ANKS1B: variants seen among roughly 807,000 people sequenced by gnomAD.
ANKS1B encodes ankyrin repeat and sterile alpha motif domain containing 1B, also known as ankyrin repeat and sterile alpha motif domain-containing protein 1B.
Under a neutral mutation model 148.3 loss-of-function variants are expected in ANKS1B, and 36 were observed. The ratio of observed to expected loss-of-function variants is 0.24; its 90% CI spans 0.19 to 0.32. ANKS1B has a LOEUF of 0.32. Ranked by LOEUF, ANKS1B falls within the 10% of genes least tolerant of loss-of-function variation. ANKS1B has a pLI of 1.00. For missense variants in ANKS1B, 1,157 were observed against 1,542.6 expected (o/e 0.75, Z 4.19); for synonymous variants, 542 against 560.8 (o/e 0.97, Z 0.47).
At chr12:99,123,658 T>C (rs573103870) in intron 15 of ANKS1B, among the ~76,000 whole-genome samples, 2 of 152,104 alleles carry the variant, frequency 1.3e-5, no homozygotes, top group East Asian at 1.9e-4. Flanking sequence ...AAATCACTGG[T>C]ATAAGTGCAA....
intron 17 of ANKS1B, among the ~76,000 whole-genome samples, chr12:98,980,286 C>T (rs1017832714): frequency 3.9e-5 from 6 of 152,278 alleles, no homozygotes; most frequent in East Asian, 1.9e-4. Flanking sequence ...CTGCAAGCTC[C>T]GCCTCCCAGG....
At chr12:99,749,177 G>A (rs1443713290) in intron 8 of ANKS1B, among the ~76,000 whole-genome samples, 1 of 152,014 alleles carries the variant, frequency 6.6e-6, no homozygotes, top group African/African-American at 2.4e-5. Flanking sequence ...GCTTTGACCT[G>A]GATACATAAT....
intron 17 of ANKS1B, among the ~76,000 whole-genome samples, chr12:98,889,912 C>A (rs548466628): frequency 6.6e-6 from 1 of 151,862 alleles, no homozygotes. Flanking sequence ...AAAAGAGGAA[C>A]GAGTTTCTGG....
At chr12:99,856,104 A>G (rs1442995027) in intron 1 of ANKS1B, among the ~76,000 whole-genome samples, 3 of 152,240 alleles carry the variant, frequency 2.0e-5, no homozygotes, top group African/African-American at 4.8e-5. Context: ...AAAATAAAAA[A>G]TACAAAAGAT....
intron 1 of ANKS1B, among the ~76,000 whole-genome samples, chr12:99,929,245 A>G (rs944305524): frequency 3.9e-5 from 6 of 152,184 alleles, no homozygotes; most frequent in Non-Finnish European, 5.9e-5. Context: ...CAGTTAAGAG[A>G]ATGACAGAGG....
intron 1 of ANKS1B, among the ~76,000 whole-genome samples, chr12:99,886,932 T>C (rs1357123597): frequency 1.3e-5 from 2 of 152,226 alleles, no homozygotes; most frequent in Non-Finnish European, 2.9e-5. Context: ...TTATGCATAA[T>C]GGTAAAAATT....
intron 12 of ANKS1B, among the ~76,000 whole-genome samples, chr12:99,369,849 C>CAGACAGAT (rs1555405093): frequency 6.9e-6 from 1 of 145,520 alleles, no homozygotes; most frequent in Non-Finnish European, 1.5e-5. Context: ...CAGACAGAGA[C>CAGACAGAT]AGATAGATAG....
intron 17 of ANKS1B, among the ~76,000 whole-genome samples, chr12:98,860,978 A>G (rs2099596447): frequency 6.6e-6 from 1 of 152,170 alleles, no homozygotes; most frequent in Admixed American, 6.5e-5. Flanking sequence ...TGTTTTTGAG[A>G]GGTGAGGGGA....
At chr12:98,981,690 G>A (rs1004931788) in intron 17 of ANKS1B, among the ~76,000 whole-genome samples, 8 of 152,168 alleles carry the variant, frequency 5.3e-5, no homozygotes, top group Non-Finnish European at 1.0e-4. Context: ...TCCATTAACA[G>A]CCCAAAGCCT....
chr12:99,454,073 G>A (rs1595083340), intron 10 of ANKS1B, among the ~76,000 whole-genome samples: 1 of 152,222 alleles, frequency 6.6e-6, no homozygotes, highest in African/African-American at 2.4e-5. Flanking sequence ...AAGCATGAAC[G>A]AGCATTATGC....
chr12:98,791,959 T>C (rs79335587), intron 22 of ANKS1B, among the ~76,000 whole-genome samples: 6,192 of 152,290 alleles, frequency 0.041, 191 homozygotes, highest in East Asian at 0.13. Context: ...TTCCAACCCA[T>C]TCCCTCTATT....
At chr12:99,175,150 C>A (rs1249986906) in intron 14 of ANKS1B, among the ~76,000 whole-genome samples, 1 of 152,138 alleles carries the variant, frequency 6.6e-6, no homozygotes, top group Non-Finnish European at 1.5e-5. Context: ...GACAAAATTT[C>A]CAACATGTTG....
At chr12:99,356,337 T>C (rs1396685971) in intron 12 of ANKS1B, among the ~76,000 whole-genome samples, 1 of 152,150 alleles carries the variant, frequency 6.6e-6, no homozygotes, top group Admixed American at 6.6e-5. Flanking sequence ...AAACTGTTTA[T>C]AGGCATGTGT....
chr12:99,111,245 T>C (rs922017533), intron 15 of ANKS1B, among the ~76,000 whole-genome samples: 2 of 152,218 alleles, frequency 1.3e-5, no homozygotes, highest in Non-Finnish European at 2.9e-5. Flanking sequence ...AAAAATTCCA[T>C]TTTCTAATGG....
At position 98,773,067 on chromosome 12, in the gene ANKS1B, C is replaced by T. The variant is rs758298431; in HGVS notation, c.3554G>A (p.Cys1185Tyr). ...CACATCAAAGGCAGTAAACACATGA[C>T]AGTAGTGGTGATTAGACTTCAAATC... is the stretch of plus-strand genomic sequence containing the variant. ...TKDLKSNHHY[C>Y]HVFTAFDVNL... Residue 1185 changes from cysteine to tyrosine, a missense_variant, in exon 25 of 27, where the codon TGT becomes TAT. By Grantham distance (194) the Cys-to-Tyr change is radical. Transcript: ENST00000683438. 4.3e-6 allele frequency: 7 copies of T among 1,613,924 alleles called. No homozygotes were observed. The highest frequency in any genetic ancestry group is 5.9e-6 in the Non-Finnish European group (7 of 1,179,860).
At chr12:99,348,989 C>T (rs748800062) in intron 12 of ANKS1B, among the ~76,000 whole-genome samples, 24 of 151,846 alleles carry the variant, frequency 1.6e-4, no homozygotes, top group African/African-American at 5.8e-4. Flanking sequence ...TAAATTTATG[C>T]TAATGGGGAC....
chr12:98,937,264 A>C (rs1200681493), intron 17 of ANKS1B, among the ~76,000 whole-genome samples: 1 of 152,202 alleles, frequency 6.6e-6, no homozygotes, highest in East Asian at 1.9e-4. Flanking sequence ...TACATTTATG[A>C]AAACCATAAA....
At chr12:99,298,858 T>C (rs1353273670) in intron 12 of ANKS1B, among the ~76,000 whole-genome samples, 3 of 152,198 alleles carry the variant, frequency 2.0e-5, no homozygotes, top group Non-Finnish European at 4.4e-5. Flanking sequence ...AATTTTCCAA[T>C]CTTTCAGTAA....
chr12:99,680,618 C>T (rs76916219), intron 8 of ANKS1B, among the ~76,000 whole-genome samples: 4,786 of 152,152 alleles, frequency 0.031, 282 homozygotes, highest in African/African-American at 0.11. Flanking sequence ...ATGAATTTTC[C>T]TGGGCAGAAT....
Sources: allele counts gnomAD v4.1 joint callset (sites outside exome capture counted in the v4.1 genomes callset), GRCh38; gene constraint gnomAD v4.1.1; transcripts MANE v1.5; gene names NCBI Gene and HGNC (gene_info 2026-07-23, HGNC 2026-07-21).